Variants in NELL1 observed in about 807,000 individuals in gnomAD.
NELL1 encodes the protein protein kinase C-binding protein NELL1.
Under a neutral mutation model 107.4 loss-of-function variants are expected in NELL1, and 76 were observed. The observed-to-expected ratio is 0.71, with a 90% CI of 0.59 to 0.86. The LOEUF is 0.86. Among genes scored for constraint, NELL1 ranks in the 40% least tolerant of loss-of-function variants. NELL1 has a pLI of 0.00. For synonymous variants in NELL1, 353 were observed against 341.2 expected (o/e 1.03, Z -0.38); for missense variants, 1,024 against 1,005.5 (o/e 1.02, Z -0.25).
intron 17 of NELL1, among the ~76,000 whole-genome samples, chr11:21,568,242 G>T (rs1002632084): frequency 6.6e-6 from 1 of 151,620 alleles, no homozygotes; most frequent in Non-Finnish European, 1.5e-5. Flanking sequence ...ATATCCAAAC[G>T]TAGAAAAGGT....
intron 15 of NELL1, among the ~76,000 whole-genome samples, chr11:21,429,671 A>G (rs1030771085): frequency 6.6e-5 from 10 of 152,170 alleles, no homozygotes; most frequent in African/African-American, 2.2e-4. Context: ...AAAATATATT[A>G]TGGTGCATTC....
intron 15 of NELL1, among the ~76,000 whole-genome samples, chr11:21,392,063 G>A (rs1307312915): frequency 1.3e-5 from 2 of 151,718 alleles, no homozygotes; most frequent in Non-Finnish European, 2.9e-5. Context: ...GGAAGAATAA[G>A]ACAAAAGATT....
At chr11:21,532,005 A>G (rs753040281) in intron 15 of NELL1, among the ~76,000 whole-genome samples, 1 of 152,212 alleles carries the variant, frequency 6.6e-6, no homozygotes, top group Non-Finnish European at 1.5e-5. Context: ...CTCAAGTACA[A>G]TATGGTACAT....
intron 12 of NELL1, among the ~76,000 whole-genome samples, chr11:21,032,521 T>G (rs1852987860): frequency 6.6e-6 from 1 of 152,144 alleles, no homozygotes; most frequent in Non-Finnish European, 1.5e-5. Context: ...CCCAGGTAGC[T>G]GGGATTACAG....
chr11:21,235,267 A>G (rs572468910), intron 14 of NELL1, among the ~76,000 whole-genome samples: 1 of 152,274 alleles, frequency 6.6e-6, no homozygotes, highest in South Asian at 2.1e-4. Flanking sequence ...ACACATTCAT[A>G]TTGAAAAACG....
chr11:21,071,657 T>C (rs1449919574), intron 12 of NELL1, among the ~76,000 whole-genome samples: 3 of 152,170 alleles, frequency 2.0e-5, no homozygotes, highest in Non-Finnish European at 1.5e-5. Flanking sequence ...TAATCTGACT[T>C]CCAGTCTCCC....
chr11:20,752,431 C>T (rs1856161992), intron 2 of NELL1, among the ~76,000 whole-genome samples: 1 of 152,170 alleles, frequency 6.6e-6, no homozygotes, highest in Non-Finnish European at 1.5e-5. Context: ...TGCCTGTAAT[C>T]CCAGCTACTT....
chr11:21,461,101 G>A (rs185069605), intron 15 of NELL1, among the ~76,000 whole-genome samples: 255 of 152,164 alleles, frequency 1.7e-3, no homozygotes, highest in African/African-American at 5.9e-3. Flanking sequence ...GAGGCAGATG[G>A]GAAGGGGTGT....
chr11:21,127,470 G>C (rs972662219), intron 13 of NELL1, among the ~76,000 whole-genome samples: 1 of 152,002 alleles, frequency 6.6e-6, no homozygotes, highest in African/African-American at 2.4e-5. Context: ...GGTGTAATTA[G>C]CCAGGCATTA....
At chr11:21,557,347 T>G (rs1856739992) in intron 16 of NELL1, among the ~76,000 whole-genome samples, 1 of 152,066 alleles carries the variant, frequency 6.6e-6, no homozygotes, top group African/African-American at 2.4e-5. Flanking sequence ...ATCTTTATGC[T>G]CAGCCTTCTT....
At chr11:21,007,470 G>A (rs1230604670) in intron 12 of NELL1, among the ~76,000 whole-genome samples, 4 of 152,080 alleles carry the variant, frequency 2.6e-5, no homozygotes, top group Admixed American at 2.6e-4. Flanking sequence ...TGGGATGAAA[G>A]TTAGTCTTAG....
chr11:21,119,749 A>C (rs952722630), intron 13 of NELL1, among the ~76,000 whole-genome samples: 1 of 152,088 alleles, frequency 6.6e-6, no homozygotes, highest in Non-Finnish European at 1.5e-5. Context: ...GAGGTGTTAC[A>C]GGGAGGAGGG....
intron 4 of NELL1, among the ~76,000 whole-genome samples, chr11:20,874,573 G>C (rs971726099): frequency 6.6e-6 from 1 of 152,078 alleles, no homozygotes; most frequent in Non-Finnish European, 1.5e-5. Context: ...TAAACTTTTG[G>C]CCTATAGGAG....
At chr11:21,432,920 G>A (rs553091081) in intron 15 of NELL1, among the ~76,000 whole-genome samples, 1 of 152,180 alleles carries the variant, frequency 6.6e-6, no homozygotes, top group South Asian at 2.1e-4. Flanking sequence ...ATTGCTAACT[G>A]TATTCAGCCT....
chr11:21,480,880 C>A (rs1854476046), intron 15 of NELL1, among the ~76,000 whole-genome samples: 1 of 152,110 alleles, frequency 6.6e-6, no homozygotes, highest in African/African-American at 2.4e-5. Context: ...GGGGAAATAC[C>A]CCTGAACTAG....
intron 14 of NELL1, among the ~76,000 whole-genome samples, chr11:21,308,197 T>C (rs1046046772): frequency 6.6e-5 from 10 of 152,032 alleles, no homozygotes; most frequent in Non-Finnish European, 1.2e-4. Flanking sequence ...TTAAGAGAGA[T>C]AATGTATGCG....
chr11:21,314,717 A>G (rs1315000379), intron 14 of NELL1, among the ~76,000 whole-genome samples: 2 of 152,236 alleles, frequency 1.3e-5, no homozygotes, highest in Non-Finnish European at 2.9e-5. Flanking sequence ...GGTACTTTGT[A>G]TATATAAAAT....
intron 15 of NELL1, among the ~76,000 whole-genome samples, chr11:21,388,013 G>A (rs1444888921): frequency 6.6e-6 from 1 of 151,456 alleles, no homozygotes. Context: ...AATTGCTTAT[G>A]TTTGTAAAGC....
At chr11:20,790,333 G>T (rs1857048942) in intron 3 of NELL1, among the ~76,000 whole-genome samples, 1 of 152,228 alleles carries the variant, frequency 6.6e-6, no homozygotes, top group Non-Finnish European at 1.5e-5. Context: ...AGGTGGCAGA[G>T]GGCTGGTGTG....
Sources: allele counts gnomAD v4.1 joint callset (sites outside exome capture counted in the v4.1 genomes callset), GRCh38; gene constraint gnomAD v4.1.1; transcripts MANE v1.5; gene names NCBI Gene and HGNC (gene_info 2026-07-23, HGNC 2026-07-21).